PRAG1: variants seen among roughly 807,000 people sequenced by gnomAD.
PRAG1 encodes the protein PEAK1 related, kinase-activating pseudokinase 1.
PRAG1 carries 110 observed loss-of-function variants against 95.6 expected under a neutral mutation model. The ratio of observed to expected loss-of-function variants is 1.15; its 90% CI spans 0.99 to 1.35. The LOEUF is 1.35. Among genes scored for constraint, PRAG1 ranks in the 40% most tolerant of loss-of-function variants. The probability of loss-of-function intolerance (pLI) is 0.00; values close to 1 mark genes in which losing one functional copy is unlikely to be tolerated. For missense variants in PRAG1, 2,554 were observed against 1,864.7 expected, an observed-to-expected ratio of 1.37 and a Z score of -6.81; for synonymous variants, 1,052 against 819.4, an observed-to-expected ratio of 1.28 and a Z score of -4.85.
In PRAG1 at chr8:8,378,031, C is replaced by T; in HGVS notation, c.378G>A (p.Glu126=). ...TGCCCAGGTAGACGACGGGGGCATCCTCCTGCTTCGGGAGGGGGAGCTTGC... is the reference window on the plus strand; with the variant it reads ...TGCCCAGGTAGACGACGGGGGCATCTTCCTGCTTCGGGAGGGGGAGCTTGC... The part of the protein sequence containing the change: ...APGKLPLPKQ[E]DAPVVYLGSF... The change falls in exon 3 of 6, where the codon GAG becomes GAA. Residue 126 remains glutamate (E), a synonymous_variant. Transcript: ENST00000615670. 1 of 1,568,310 alleles carries T rather than the reference C, an allele frequency of 6.4e-7. No individual in the cohort carries two copies. The highest frequency in any genetic ancestry group is 1.2e-5 in the South Asian group (1 of 83,736).
chr8:8,347,104 G>A (rs949998756), intron 3 of PRAG1, among the ~76,000 whole-genome samples: 4 of 152,216 alleles, frequency 2.6e-5, no homozygotes, highest in African/African-American at 9.6e-5. Flanking sequence ...GGAAAAGACT[G>A]GTTTTAAACT....
rs1585222134 is a variant in PRAG1, at chr8:8,328,191, T to G, written c.2591A>C (p.Tyr864Ser). Residue 864 changes from tyrosine (Y) to serine (S), a missense_variant, in exon 5 of 6, where the codon TAT (tyrosine) becomes TCT (serine). By Grantham distance (144) the Tyr-to-Ser change is moderately radical (BLOSUM62 -2). Coordinates refer to ENST00000615670, the MANE Select transcript of PRAG1 (RefSeq NM_001080826.3). ...TNVHDESHFS[Y>S]SLSPGNRHHP... The stretch of plus-strand genomic sequence containing the variant: ...GTGGCGGTTCCCGGGGCTCAACGAA[T>G]AGCTAAAGTGAGATTCGTCGTGGAC... 1 of 1,614,144 alleles carries G rather than the reference T, an allele frequency of 6.2e-7. No individual in the cohort carries two copies. The highest frequency in any genetic ancestry group is 8.5e-7 in the Non-Finnish European group (1 of 1,180,030).
intron 4 of PRAG1, among the ~76,000 whole-genome samples, chr8:8,334,148 C>T (rs1004901512): frequency 1.3e-5 from 2 of 152,176 alleles, no homozygotes; most frequent in African/African-American, 4.8e-5. Flanking sequence ...AAAACAAAAA[C>T]AAAAAGCAAA....
chr8:8,345,564 G>C (rs184671077), intron 3 of PRAG1, among the ~76,000 whole-genome samples: 87 of 152,182 alleles, frequency 5.7e-4, no homozygotes, highest in Admixed American at 3.5e-3. Flanking sequence ...GCAGAGGCGG[G>C]TGGATCACTT....
intron 4 of PRAG1, among the ~76,000 whole-genome samples, chr8:8,330,541 T>A (rs1483894488): frequency 6.6e-6 from 1 of 152,194 alleles, no homozygotes; most frequent in Non-Finnish European, 1.5e-5. Flanking sequence ...GAGTGATTTA[T>A]ACCCCTTCCA....
chr8:8,374,998 T>A (rs994608142), intron 3 of PRAG1, among the ~76,000 whole-genome samples: 9 of 152,052 alleles, frequency 5.9e-5, no homozygotes, highest in African/African-American at 2.2e-4. Flanking sequence ...TTTCTCCTTT[T>A]CCTAACAGAA....
intron 3 of PRAG1, among the ~76,000 whole-genome samples, chr8:8,373,655 G>A (rs1038694010): frequency 1.3e-5 from 2 of 152,076 alleles, no homozygotes; most frequent in African/African-American, 4.8e-5. Flanking sequence ...GTTTCACCAT[G>A]TTGCCCAGGT....
intron 1 of PRAG1, among the ~76,000 whole-genome samples, chr8:8,382,398 C>A (rs532197735): frequency 1.3e-5 from 2 of 152,122 alleles, no homozygotes; most frequent in East Asian, 3.8e-4. Context: ...GGTTGGGAAA[C>A]GGGAGAAGTG....
rs368795425 is a variant in PRAG1 at position 8,342,357 on chromosome 8, C to G, written c.2163-2722G>C. ...ACAGGAGGCGCCCACCACCACGCCC[C>G]GCTAATTTTTTTGTATTTTTAGTAG... On this transcript the variant is annotated intron_variant, in intron 3 of 5. Transcript: ENST00000615670. Among the ~76,000 whole-genome samples the G allele has an allele frequency of 5.3e-5, 8 of 151,658 alleles. No homozygotes were observed. In the East Asian group the frequency reaches 5.9e-4, roughly 11 times the overall value.
At chr8:8,335,150 A>C (rs1390551559) in intron 4 of PRAG1, among the ~76,000 whole-genome samples, 10 of 152,208 alleles carry the variant, frequency 6.6e-5, no homozygotes, top group Non-Finnish European at 1.3e-4. Flanking sequence ...TTTATTTAAA[A>C]TACACATACA....
At chr8:8,371,601 G>A (rs1213369624) in intron 3 of PRAG1, among the ~76,000 whole-genome samples, 1 of 152,110 alleles carries the variant, frequency 6.6e-6, no homozygotes, top group Non-Finnish European at 1.5e-5. Context: ...TGGGCGTGGT[G>A]GCTCATGCCT....
intron 3 of PRAG1, among the ~76,000 whole-genome samples, chr8:8,341,543 T>G (rs1189731334): frequency 6.6e-6 from 1 of 152,228 alleles, no homozygotes; most frequent in African/African-American, 2.4e-5. Context: ...GGTTTTGTAT[T>G]TCAAAATCAT....
At chr8:8,343,591 T>C (rs1799240590) in intron 3 of PRAG1, among the ~76,000 whole-genome samples, 1 of 152,244 alleles carries the variant, frequency 6.6e-6, no homozygotes, top group South Asian at 2.1e-4. Flanking sequence ...TTAATGTTTC[T>C]TATTGTGGGT....
At chr8:8,375,144 G>C (rs1003653098) in intron 3 of PRAG1, among the ~76,000 whole-genome samples, 4 of 151,422 alleles carry the variant, frequency 2.6e-5, no homozygotes, top group African/African-American at 7.3e-5. Flanking sequence ...GGAGATAGCA[G>C]GGAAGCAGTA....
At chr8:8,350,605 C>G (rs1371068720) in intron 3 of PRAG1, among the ~76,000 whole-genome samples, 2 of 152,212 alleles carry the variant, frequency 1.3e-5, no homozygotes, top group Non-Finnish European at 2.9e-5. Flanking sequence ...AACAATGATG[C>G]TAGCAGTTGA....
chr8:8,356,822 T>C (rs911908088), intron 3 of PRAG1, among the ~76,000 whole-genome samples: 2 of 152,204 alleles, frequency 1.3e-5, no homozygotes, highest in Non-Finnish European at 2.9e-5. Flanking sequence ...AGTGGAGTAC[T>C]AGCATATAGA....
chr8:8,335,064 T>C (rs1437039535), intron 4 of PRAG1, among the ~76,000 whole-genome samples: 1 of 150,644 alleles, frequency 6.6e-6, no homozygotes, highest in Non-Finnish European at 1.5e-5. Flanking sequence ...AGACTCTGTC[T>C]CGAAAAAAAA....
intron 2 of PRAG1, among the ~76,000 whole-genome samples, chr8:8,379,776 G>A (rs375349891): frequency 6.6e-6 from 1 of 152,236 alleles, no homozygotes; most frequent in Non-Finnish European, 1.5e-5. Flanking sequence ...CCCGGGCTAT[G>A]TGCCCTCTGA....
intron 3 of PRAG1, among the ~76,000 whole-genome samples, chr8:8,360,016 T>G (rs1034263170): frequency 1.3e-5 from 2 of 152,298 alleles, no homozygotes; most frequent in African/African-American, 4.8e-5. Flanking sequence ...AGGAACGAGC[T>G]AAATCAGCTG....
Sources: gnomAD v4.1 joint callset for allele counts (sites outside exome capture counted in the v4.1 genomes callset) on GRCh38, gnomAD v4.1.1 for gene constraint, MANE v1.5 for transcripts, NCBI Gene and HGNC (gene_info 2026-07-23, HGNC 2026-07-21) for gene names.